The following UMAD1 variants were observed in gnomAD, a reference collection of about 807,000 sequenced individuals.
UMAD1 encodes the protein UBAP1-MVB12-associated (UMA)-domain containing protein 1.
In UMAD1, 8 loss-of-function variants were observed where a neutral mutation model predicts 6.1. The ratio of observed to expected loss-of-function variants is 1.30; its 90% CI spans 0.76 to 2.35. The LOEUF (loss-of-function observed/expected upper bound fraction) is 2.35. Ranked by LOEUF, UMAD1 falls within the 30% of genes most tolerant of loss-of-function variation. The pLI, the probability that UMAD1 is intolerant of heterozygous loss-of-function variation, is 0.00. For synonymous variants in UMAD1, 56 were observed against 31.4 expected, an observed-to-expected ratio of 1.78 and a Z score of -2.61; for missense variants, 130 against 78.4, an observed-to-expected ratio of 1.66 and a Z score of -2.49.
At position 7,696,682 on chromosome 7, in the gene UMAD1, G is replaced by A. The variant is rs552754149; in HGVS notation, c.82+23229G>A. ...GACTCACATGCTCAAGCTAAATAAAGCACTCCGTAAAGATTTTTCTGCCTC... is the reference window on the plus strand; with the variant it reads ...GACTCACATGCTCAAGCTAAATAAAACACTCCGTAAAGATTTTTCTGCCTC... On this transcript the variant is annotated intron_variant, in intron 2 of 3. Coordinates refer to ENST00000682710, the MANE Select transcript of UMAD1 (RefSeq NM_001302348.2). 1.4e-3 allele frequency among the ~76,000 whole-genome samples: 219 copies of A among 152,180 alleles called. 4 individuals are homozygous for A. Among genetic ancestry groups the A allele is most frequent in the Admixed American group, 3.8e-3 (58 of 15,284 alleles).
chr7:7,676,185 C>T (rs1367352951), intron 2 of UMAD1: 4 of 398,532 alleles, frequency 1.0e-5, no homozygotes, highest in Admixed American at 4.4e-5. Context: ...CGTGGCTCCA[C>T]GACTTACTCT....
At chr7:7,665,968 A>T (rs1190998782) in intron 1 of UMAD1, among the ~76,000 whole-genome samples, 1 of 151,696 alleles carries the variant, frequency 6.6e-6, no homozygotes, top group Non-Finnish European at 1.5e-5. Context: ...TTTTTTGGTT[A>T]TTAAAAAAAA....
At chr7:7,671,480 T>C (rs972201610) in intron 1 of UMAD1, among the ~76,000 whole-genome samples, 2 of 152,244 alleles carry the variant, frequency 1.3e-5, no homozygotes, top group African/African-American at 4.8e-5. Flanking sequence ...TAGCTGAGGC[T>C]GAGTTTTAAT....
intron 2 of UMAD1, among the ~76,000 whole-genome samples, chr7:7,688,311 G>T (rs1410140817): frequency 6.6e-6 from 1 of 152,124 alleles, no homozygotes; most frequent in African/African-American, 2.4e-5. Flanking sequence ...GTCAGGTGGG[G>T]CATATCTCAT....
Position 7,673,711 on chromosome 7 carries a change from CT to C in UMAD1, c.82+269del, listed in dbSNP as rs1303262041. Reference sequence around the variant, plus strand: ...TGTAAAATCACTTCTTTTTCCCCCCCTTTTTTTTTTTAACTGTGGAAAATCT... The same window carrying C: ...TGTAAAATCACTTCTTTTTCCCCCCCTTTTTTTTTTAACTGTGGAAAATCT... On this transcript the variant is annotated intron_variant, in intron 2 of 3. Coordinates refer to ENST00000682710, the MANE Select transcript of UMAD1 (RefSeq NM_001302348.2). Among the ~76,000 whole-genome samples, 505 of 88,446 alleles carry C rather than the reference CT, an allele frequency of 5.7e-3. 5 individuals are homozygous for C. Among genetic ancestry groups the C allele is most frequent in the African/African-American group, 0.015 (416 of 27,116 alleles). The allele number at this position is 88,446 out of a possible 152,430, so 58.0% of individuals were successfully genotyped here. A position where few individuals can be genotyped will look rare whatever the true frequency, so the allele number is the denominator to read the frequency against.
chr7:7,778,332 A>G (rs1341592124), intron 2 of UMAD1, among the ~76,000 whole-genome samples: 1 of 151,836 alleles, frequency 6.6e-6, no homozygotes, highest in Non-Finnish European at 1.5e-5. Context: ...AAGTTTAACA[A>G]CTGATGAATA....
chr7:7,772,332 A>G lies in UMAD1; in HGVS notation c.83-29338A>G, dbSNP rs893808277. 3.9e-5 allele frequency: 6 copies of G among 152,230 alleles called. No homozygotes were observed. In the East Asian group the frequency reaches 1.2e-3, roughly 29 times the overall value. The allele number at this position is 152,230 out of a possible 1,614,324, so 9.4% of individuals were successfully genotyped here. Reference sequence around the variant, plus strand: ...GCTGAAGTTTTCTCATGAACTAACTAATGCCTCTCCACATACGGTATGTTC... The same window carrying G: ...GCTGAAGTTTTCTCATGAACTAACTGATGCCTCTCCACATACGGTATGTTC... On this transcript the variant is annotated intron_variant, in intron 2 of 3. Coordinates refer to ENST00000682710, the MANE Select transcript of UMAD1 (RefSeq NM_001302348.2).
At position 7,673,413 on chromosome 7, in the gene UMAD1, C is replaced by T; in HGVS notation, c.42C>T (p.Pro14=). Reference sequence around the variant, plus strand: ...GAAAGCCTCCGGAATCTAAAAAGCCCTCAGTACCAGAGACAGAAGCAGATG... The same window carrying T: ...GAAAGCCTCCGGAATCTAAAAAGCCTTCAGTACCAGAGACAGAAGCAGATG... ...FFRKPPESKK[P]SVPETEADGF... The change falls in exon 2 of 4, where the codon CCC becomes CCT. Residue 14 remains proline, a synonymous_variant. Coordinates refer to ENST00000682710, the MANE Select transcript of UMAD1 (RefSeq NM_001302348.2). 2.8e-6 allele frequency: 3 copies of T among 1,066,634 alleles called. No individual in the cohort carries two copies. The highest frequency in any genetic ancestry group is 2.8e-6 in the Non-Finnish European group (2 of 716,224). The allele number at this position is 1,066,634 out of a possible 1,614,324, so 66.1% of individuals were successfully genotyped here.
chr7:7,817,068 G>A (rs1353865017), intron 3 of UMAD1, among the ~76,000 whole-genome samples: 2 of 152,224 alleles, frequency 1.3e-5, no homozygotes, highest in Non-Finnish European at 2.9e-5. Flanking sequence ...ACCATACAGA[G>A]TTTCTTACCA....
intron 3 of UMAD1, among the ~76,000 whole-genome samples, chr7:7,838,468 G>C: frequency 6.6e-6 from 1 of 152,104 alleles, no homozygotes; most frequent in East Asian, 1.9e-4. Flanking sequence ...ATCAATAAAT[G>C]GTAAAAGATT....
intron 1 of UMAD1, among the ~76,000 whole-genome samples, chr7:7,662,463 TC>T (rs1307693122): frequency 6.6e-6 from 1 of 152,214 alleles, no homozygotes. Context: ...GGCGGGAATC[TC>T]CTGGTCTGTG....
At chr7:7,765,165 A>G in intron 2 of UMAD1, among the ~76,000 whole-genome samples, 1 of 152,118 alleles carries the variant, frequency 6.6e-6, no homozygotes, top group East Asian at 1.9e-4. Flanking sequence ...CTCACTGATC[A>G]AAAATCTCAA....
intron 2 of UMAD1, among the ~76,000 whole-genome samples, chr7:7,798,809 A>G (rs1782739173): frequency 6.6e-6 from 1 of 152,194 alleles, no homozygotes; most frequent in Non-Finnish European, 1.5e-5. Context: ...TGGGCAGGTC[A>G]CTGAGTGCCT....
intron 1 of UMAD1, among the ~76,000 whole-genome samples, chr7:7,649,359 TC>T (rs1191435252): frequency 1.3e-5 from 2 of 151,750 alleles, no homozygotes; most frequent in Non-Finnish European, 2.9e-5. Flanking sequence ...AGGAAACTAC[TC>T]CCCCAATAAC....
intron 3 of UMAD1, among the ~76,000 whole-genome samples, chr7:7,802,714 C>T (rs186408711): frequency 1.3e-5 from 2 of 152,252 alleles, no homozygotes; most frequent in Admixed American, 1.3e-4. Flanking sequence ...GAGGGTATTG[C>T]TGCATACAAC....
At chr7:7,777,835 C>T (rs1583817596) in intron 2 of UMAD1, among the ~76,000 whole-genome samples, 1 of 151,990 alleles carries the variant, frequency 6.6e-6, no homozygotes. Context: ...GGGGGAAATA[C>T]CCATGTACAC....
rs117137946 is a variant in UMAD1, at chr7:7,865,339, G to A, written c.157-11942G>A. Among the ~76,000 whole-genome samples the A allele has an allele frequency of 1.2e-4, 18 of 152,276 alleles. No homozygotes were observed. In the East Asian group the frequency reaches 3.3e-3, roughly 28 times the overall value. ...ATTGAATTGAATTGTAGAACACTCGGTTGTTATTCGGGGAGTTGGAGAATT... is the reference window on the plus strand; with the variant it reads ...ATTGAATTGAATTGTAGAACACTCGATTGTTATTCGGGGAGTTGGAGAATT... On this transcript the variant is annotated intron_variant, in intron 3 of 3. Transcript: ENST00000682710.
chr7:7,819,603 G>A (rs1783203234), intron 3 of UMAD1, among the ~76,000 whole-genome samples: 1 of 152,152 alleles, frequency 6.6e-6, no homozygotes, highest in Admixed American at 6.5e-5. Context: ...CTGTTGACAT[G>A]GAGAACCAAA....
intron 2 of UMAD1, among the ~76,000 whole-genome samples, chr7:7,715,427 C>A (rs1780877050): frequency 6.6e-6 from 1 of 152,106 alleles, no homozygotes; most frequent in Non-Finnish European, 1.5e-5. Context: ...AAAGCTAGTT[C>A]CCTGATAAGT....
Sources: gnomAD v4.1 joint callset for allele counts (sites outside exome capture counted in the v4.1 genomes callset) on GRCh38, gnomAD v4.1.1 for gene constraint, MANE v1.5 for transcripts, NCBI Gene and HGNC (gene_info 2026-07-23, HGNC 2026-07-21) for gene names.